Variants in COL13A1 observed in about 807,000 individuals in gnomAD.
COL13A1 encodes collagen alpha-1(XIII) chain.
A neutral mutation model predicts 130.9 loss-of-function variants in COL13A1; 89 were observed. The observed-to-expected ratio is 0.68, with a 90% CI of 0.57 to 0.81. COL13A1 has a LOEUF of 0.81. COL13A1 is among the 30% of genes least tolerant of loss of function. The probability of loss-of-function intolerance (pLI) is 0.00; values close to 1 mark genes in which losing one functional copy is unlikely to be tolerated. For missense variants in COL13A1, 879 were observed against 934.6 expected (o/e 0.94, Z 0.78); for synonymous variants, 402 against 341.6 (o/e 1.18, Z -1.95).
Position 69,958,955 on chromosome 10 carries a change from T to A in COL13A1, c.*254T>A, listed in dbSNP as rs1267725533. 3.8e-6 allele frequency: 2 copies of A among 521,626 alleles called. No individual in the cohort carries two copies. Among genetic ancestry groups the A allele is most frequent in the Non-Finnish European group, 6.6e-6 (2 of 301,664 alleles). 32.3% of individuals were successfully genotyped at this position (521,626 alleles called of 1,614,324 possible). On this transcript the variant is annotated 3_prime_UTR_variant, in exon 41 of 41. Transcript: ENST00000645393. ...TCTGCATGATATTTGTGCACATTTA[T>A]TAAGTATCGAAGCTTAATAAATTAT...
At chr10:69,906,703 C>A (rs1260744324) in intron 17 of COL13A1, among the ~76,000 whole-genome samples, 1 of 151,836 alleles carries the variant, frequency 6.6e-6, no homozygotes, top group East Asian at 1.9e-4. Flanking sequence ...GCATTTGTGG[C>A]CTTTTTGTTT....
At chr10:69,812,013 T>A (rs56181331) in intron 1 of COL13A1, among the ~76,000 whole-genome samples, 1 of 151,990 alleles carries the variant, frequency 6.6e-6, no homozygotes, top group Non-Finnish European at 1.5e-5. Flanking sequence ...CCCCCCTAAC[T>A]CTTCTGCTCT....
chr10:69,888,379 C>A, intron 9 of COL13A1, 49 bp downstream of exon 9: 1 of 1,599,944 alleles, frequency 6.3e-7, no homozygotes, highest in East Asian at 2.2e-5. Context: ...GATCCTGGAT[C>A]TCTTGGTCAT....
At chr10:69,829,409 G>T (rs999309136) in intron 2 of COL13A1, among the ~76,000 whole-genome samples, 1 of 152,212 alleles carries the variant, frequency 6.6e-6, no homozygotes, top group African/African-American at 2.4e-5. Context: ...CCCTCGCCAT[G>T]ATCCCTTCTG....
chr10:69,863,516 A>C (rs1271280895), intron 2 of COL13A1, among the ~76,000 whole-genome samples: 1 of 152,134 alleles, frequency 6.6e-6, no homozygotes, highest in Non-Finnish European at 1.5e-5. Flanking sequence ...CAGGGTCAGA[A>C]GATGGTTCAG....
intron 21 of COL13A1, among the ~76,000 whole-genome samples, chr10:69,920,723 C>A (rs926600779): frequency 6.6e-6 from 1 of 152,220 alleles, no homozygotes; most frequent in African/African-American, 2.4e-5. Flanking sequence ...GCATCCAGAA[C>A]TGTAAGAAAA....
intron 3 of COL13A1, 146 bp downstream of exon 3, chr10:69,867,951 C>A: frequency 1.6e-6 from 1 of 631,266 alleles, no homozygotes. Context: ...CTCCAGAATG[C>A]CTCTTGTGGG....
chr10:69,922,633 C>T lies in COL13A1; in HGVS notation c.1144-75C>T, dbSNP rs776962041. 7.4e-6 allele frequency: 8 copies of T among 1,078,290 alleles called. No individual in the cohort carries two copies. The South Asian group carries it at 8.6e-5, about 12-fold the overall frequency. The allele number at this position is 1,078,290 out of a possible 1,614,324, so 66.8% of individuals were successfully genotyped here. ...TCCCCAGACATCCTGGGGCCCACACCCCATAGTGTCCCTCCAGTGCTCAGC... is the reference window on the plus strand; with the variant it reads ...TCCCCAGACATCCTGGGGCCCACACTCCATAGTGTCCCTCCAGTGCTCAGC... On this transcript the variant is annotated intron_variant, in intron 22 of 40. Transcript: ENST00000645393.
intron 1 of COL13A1, among the ~76,000 whole-genome samples, chr10:69,821,639 T>C (rs1477072396): frequency 6.6e-6 from 1 of 152,224 alleles, no homozygotes; most frequent in Non-Finnish European, 1.5e-5. Context: ...TGGCCAACTT[T>C]GTTGCAAGAA....
rs143116343 is a variant in COL13A1, at chr10:69,895,975, T to C, written c.684+399T>C. 1.4e-3 allele frequency among the ~76,000 whole-genome samples: 207 copies of C among 152,152 alleles called. 1 individual carries two copies. The highest frequency in any genetic ancestry group is 4.9e-3 in the African/African-American group (202 of 41,520). On this transcript the variant is annotated intron_variant, in intron 13 of 40. Coordinates refer to ENST00000645393, the MANE Select transcript of COL13A1 (RefSeq NM_001368882.1). The stretch of plus-strand genomic sequence containing the variant: ...CCCACCCAACAAGCATGTGTGTGCG[T>C]GTGTGTGGCGGTAGGGGGGTGGTGT...
At chr10:69,927,149 C>CG (rs3215785) in intron 27 of COL13A1, 39 bp downstream of exon 27, 10 of 1,612,670 alleles carry the variant, frequency 6.2e-6, no homozygotes, top group East Asian at 2.2e-5. Flanking sequence ...GGGCACTGGA[C>CG]GGGGGGGCTG....
intron 3 of COL13A1, 30 bp downstream of exon 3, chr10:69,867,835 T>C: frequency 1.4e-6 from 1 of 718,306 alleles, no homozygotes; most frequent in Non-Finnish European, 2.6e-6. Context: ...GTCTCGTGCA[T>C]CTGAAAGGCC....
At chr10:69,952,796 A>T in intron 38 of COL13A1, 86 bp from the exon 39 acceptor site, 2 of 966,212 alleles carry the variant, frequency 2.1e-6, no homozygotes, top group Non-Finnish European at 1.5e-6. Context: ...TTTTAATTTT[A>T]TTTTTCTTTT....
At chr10:69,941,209 C>T (rs930270452) in intron 35 of COL13A1, among the ~76,000 whole-genome samples, 186 bp downstream of exon 35, 1 of 152,220 alleles carries the variant, frequency 6.6e-6, no homozygotes, top group Non-Finnish European at 1.5e-5. Flanking sequence ...ATATGGCTGG[C>T]CTTCATCTGA....
chr10:69,814,844 G>A (rs755791058), intron 1 of COL13A1, among the ~76,000 whole-genome samples: 1 of 152,074 alleles, frequency 6.6e-6, no homozygotes, highest in African/African-American at 2.4e-5. Flanking sequence ...AGCCTCCAAG[G>A]GAATAGGAGG....
At chr10:69,881,796 G>T (rs1589269660) in intron 7 of COL13A1, among the ~76,000 whole-genome samples, 1 of 152,140 alleles carries the variant, frequency 6.6e-6, no homozygotes, top group African/African-American at 2.4e-5. Context: ...TCCTCACAAG[G>T]ACTCCATGAC....
chr10:69,941,265 G>T (rs1008626460), intron 35 of COL13A1, among the ~76,000 whole-genome samples: 14 of 152,202 alleles, frequency 9.2e-5, no homozygotes, highest in African/African-American at 3.4e-4. Context: ...AACCTGCCAG[G>T]TGTGGGGTGG....
intron 39 of COL13A1, chr10:69,955,403 ACTGGCCAGGTCTTCCCT>A (rs1482142589): frequency 2.1e-4 from 31 of 147,000 alleles, no homozygotes; most frequent in African/African-American, 7.7e-4. Context: ...TCCCTTGAGC[ACTGGCCAGGTCTTCCCT>A]CAGCCACAAT....
At chr10:69,872,409 G>T (rs1239890786) in intron 4 of COL13A1, among the ~76,000 whole-genome samples, 199 bp downstream of exon 4, 2 of 152,178 alleles carry the variant, frequency 1.3e-5, no homozygotes, top group Non-Finnish European at 2.9e-5. Flanking sequence ...GACCCTGCTG[G>T]GGCATCTTTA....
Sources: allele counts gnomAD v4.1 joint callset (sites outside exome capture counted in the v4.1 genomes callset), GRCh38; gene constraint gnomAD v4.1.1; transcripts MANE v1.5; gene names NCBI Gene and HGNC (gene_info 2026-07-23, HGNC 2026-07-21).